Variants in KAZN observed in about 807,000 individuals in gnomAD.
KAZN encodes kazrin, periplakin interacting protein.
Under a neutral mutation model 87.4 loss-of-function variants are expected in KAZN, and 40 were observed. The ratio of observed to expected loss-of-function variants is 0.46; its 90% CI spans 0.36 to 0.60. The LOEUF is 0.60. Ranked by LOEUF, KAZN falls within the 20% of genes least tolerant of loss-of-function variation. The probability of loss-of-function intolerance (pLI) is 0.00; values close to 1 mark genes in which losing one functional copy is unlikely to be tolerated. For synonymous variants in KAZN, 466 were observed against 458.3 expected (o/e 1.02, Z -0.22); for missense variants, 898 against 1,073.9 (o/e 0.84, Z 2.29).
chr1:14,510,624 A>G (rs1670853146), intron 2 of KAZN, among the ~76,000 whole-genome samples: 1 of 152,200 alleles, frequency 6.6e-6, no homozygotes, highest in Admixed American at 6.5e-5. Flanking sequence ...GAAGGGTCTT[A>G]AGCAGGGAGT....
intron 1 of KAZN, among the ~76,000 whole-genome samples, chr1:14,806,341 C>G (rs1557509780): frequency 1.3e-5 from 2 of 152,226 alleles, no homozygotes; most frequent in Non-Finnish European, 2.9e-5. Context: ...GCATGTCAGT[C>G]CATGGCCTGC....
At chr1:14,423,069 T>C (rs1665524536) in intron 2 of KAZN, among the ~76,000 whole-genome samples, 2 of 152,196 alleles carry the variant, frequency 1.3e-5, no homozygotes, top group Non-Finnish European at 2.9e-5. Flanking sequence ...GCTAGTCTCA[T>C]AGCAACTTGT....
Position 14,868,044 on chromosome 1 carries a change from G to GGCATCACATACGCACA in KAZN, c.227-92635_227-92620dup, listed in dbSNP as rs1467467721. On this transcript the variant is annotated intron_variant, in intron 1 of 14. Coordinates refer to ENST00000376030, the MANE Select transcript of KAZN (RefSeq NM_201628.3). ...ACACAGGCATGGCATCGCATAGCAT[G>GGCATCACATACGCACA]GCATCACATACGCACAGCATTGCAT... 3.8e-3 allele frequency among the ~76,000 whole-genome samples: 288 copies of GGCATCACATACGCACA among 75,768 alleles called. 1 individual carries two copies. The highest frequency in any genetic ancestry group is 8.1e-3 in the Admixed American group (69 of 8,524). The allele number at this position is 75,768 out of a possible 152,430, so 49.7% of individuals were successfully genotyped here. A position where few individuals can be genotyped will look rare whatever the true frequency, so the allele number is the denominator to read the frequency against.
intron 2 of KAZN, among the ~76,000 whole-genome samples, chr1:15,026,153 A>G (rs1178974942): frequency 3.3e-5 from 5 of 151,662 alleles, no homozygotes; most frequent in Admixed American, 2.0e-4. Context: ...TTACTTGGAA[A>G]CCTGCCTATT....
At chr1:14,399,995 A>AGGAATGATT (rs1317576403) in intron 2 of KAZN, among the ~76,000 whole-genome samples, 7 of 152,126 alleles carry the variant, frequency 4.6e-5, no homozygotes, top group African/African-American at 1.7e-4. Flanking sequence ...TAAAAAAAGA[A>AGGAATGATT]GGAATGATTT....
intron 2 of KAZN, among the ~76,000 whole-genome samples, chr1:14,562,063 A>G (rs558662440): frequency 2.1e-4 from 32 of 152,302 alleles, no homozygotes; most frequent in African/African-American, 7.2e-4. Context: ...AGAATTACTT[A>G]CCAGGCAAGT....
intron 1 of KAZN, among the ~76,000 whole-genome samples, chr1:14,618,057 G>A (rs1678392021): frequency 6.6e-6 from 1 of 152,124 alleles, no homozygotes; most frequent in African/African-American, 2.4e-5. Flanking sequence ...TTTTTTCTCA[G>A]TTATTTATAG....
chr1:13,920,538 G>A (rs1243952039), intron 1 of KAZN, among the ~76,000 whole-genome samples: 1 of 152,040 alleles, frequency 6.6e-6, no homozygotes, highest in Admixed American at 6.6e-5. Flanking sequence ...CATGAAAAGT[G>A]GCTCAACAGT....
At chr1:14,857,446 C>A (rs1650268994) in intron 1 of KAZN, among the ~76,000 whole-genome samples, 1 of 152,110 alleles carries the variant, frequency 6.6e-6, no homozygotes, top group Non-Finnish European at 1.5e-5. Context: ...TGAGGCTGGA[C>A]TGCTTGAGCC....
At chr1:14,303,628 G>A (rs898024811) in intron 2 of KAZN, among the ~76,000 whole-genome samples, 1 of 152,092 alleles carries the variant, frequency 6.6e-6, no homozygotes, top group Non-Finnish European at 1.5e-5. Flanking sequence ...TGTCCTCCAG[G>A]CTCTCAAATG....
chr1:14,497,535 A>G (rs1670014204), intron 2 of KAZN, among the ~76,000 whole-genome samples: 1 of 152,168 alleles, frequency 6.6e-6, no homozygotes, highest in Non-Finnish European at 1.5e-5. Flanking sequence ...TTCAGGATGA[A>G]TAGAGTCACC....
intron 1 of KAZN, among the ~76,000 whole-genome samples, chr1:13,996,595 A>G (rs1309911398): frequency 6.6e-5 from 10 of 152,190 alleles, no homozygotes. Flanking sequence ...CTGCAGCCAG[A>G]GTGCCTCTTC....
At chr1:14,922,528 C>G (rs1384705727) in intron 1 of KAZN, among the ~76,000 whole-genome samples, 2 of 152,090 alleles carry the variant, frequency 1.3e-5, no homozygotes, top group African/African-American at 2.4e-5. Context: ...CTGCCGTCCT[C>G]TGGCGCAGTT....
chr1:14,780,579 A>C (rs1645301977), intron 1 of KAZN, among the ~76,000 whole-genome samples: 1 of 152,214 alleles, frequency 6.6e-6, no homozygotes. Flanking sequence ...GTTGGTGTGA[A>C]AATTAAGCAA....
intron 1 of KAZN, among the ~76,000 whole-genome samples, chr1:14,847,617 C>T (rs374044632): frequency 6.6e-6 from 1 of 152,204 alleles, no homozygotes; most frequent in East Asian, 1.9e-4. Flanking sequence ...CAGCCTCCCC[C>T]ACCCAAATCT....
At chr1:14,597,763 A>G (rs1229090524), upstream of KAZN, among the ~76,000 whole-genome samples, 2 of 151,810 alleles carry the variant, frequency 1.3e-5, no homozygotes, top group Admixed American at 1.3e-4. Context: ...AAATTGTCCT[A>G]TTTGCATGGA....
chr1:14,943,046 GTGTGTT>G (rs1370287813), intron 1 of KAZN, among the ~76,000 whole-genome samples: 4 of 128,932 alleles, frequency 3.1e-5, no homozygotes, highest in African/African-American at 3.3e-5. Context: ...GTGTGTGTGT[GTGTGTT>G]GGGGAGGAGA....
chr1:14,720,718 G>A (rs901219680), intron 1 of KAZN, among the ~76,000 whole-genome samples: 4 of 151,826 alleles, frequency 2.6e-5, no homozygotes, highest in African/African-American at 9.7e-5. Context: ...CTGCTTCCTC[G>A]TCACTTTTTC....
At chr1:14,182,782 A>G (rs146763837) in intron 2 of KAZN, among the ~76,000 whole-genome samples, 4 of 152,302 alleles carry the variant, frequency 2.6e-5, no homozygotes, top group Non-Finnish European at 5.9e-5. Context: ...CTCAATTCCA[A>G]AGACAAATGA....
Sources: allele counts gnomAD v4.1 joint callset (sites outside exome capture counted in the v4.1 genomes callset), GRCh38; gene constraint gnomAD v4.1.1; transcripts MANE v1.5; gene names NCBI Gene and HGNC (gene_info 2026-07-23, HGNC 2026-07-21).